Variants in ARMC2 observed in about 807,000 individuals in gnomAD.
ARMC2 encodes armadillo repeat-containing protein 2.
Under a neutral mutation model 90.3 loss-of-function variants are expected in ARMC2, and 67 were observed. The ratio of observed to expected loss-of-function variants is 0.74; its 90% CI spans 0.61 to 0.91. The LOEUF (loss-of-function observed/expected upper bound fraction) is 0.91. Ranked by LOEUF, ARMC2 falls within the 40% of genes least tolerant of loss-of-function variation. ARMC2 has a pLI of 0.00. For synonymous variants in ARMC2, 393 were observed against 393.0 expected, an observed-to-expected ratio of 1.00 and a Z score of 0.00; for missense variants, 920 against 1,030.9, an observed-to-expected ratio of 0.89 and a Z score of 1.47.
the ARMC2 span, among the ~76,000 whole-genome samples, chr6:109,042,776 A>T: frequency 3.3e-5 from 5 of 152,070 alleles, no homozygotes; most frequent in Admixed American, 3.3e-4. Context: ...TAACTCCACC[A>T]AACATTTAAA....
At chr6:108,979,492 G>T in the ARMC2 span, among the ~76,000 whole-genome samples, 5 of 152,100 alleles carry the variant, frequency 3.3e-5, no homozygotes, top group Non-Finnish European at 4.4e-5. Context: ...TTTTCGAGGA[G>T]TATCTTTGTG....
In ARMC2 at chr6:108,922,257, AG is replaced by A. The variant is rs538312241; in HGVS notation, c.1351-5828del. Among the ~76,000 whole-genome samples the A allele has an allele frequency of 2.3e-4, 34 of 151,036 alleles. No individual in the cohort carries two copies. The East Asian group carries it at 6.6e-3, about 29-fold the overall frequency. ...CTCAAGTCCAGTGATCCAAGTCCGG[AG>A]GGCCCCCCCACCCTTTTTTTTTTCT... On this transcript the variant is annotated intron_variant, in intron 10 of 17. Coordinates refer to ENST00000392644, the MANE Select transcript of ARMC2 (RefSeq NM_032131.6).
the ARMC2 span, among the ~76,000 whole-genome samples, chr6:109,006,705 A>C: frequency 1.3e-5 from 2 of 152,310 alleles, no homozygotes; most frequent in South Asian, 4.1e-4. Context: ...TGGTTTATAA[A>C]AAGTTTCCAT....
At chr6:109,006,379 A>C in the ARMC2 span, among the ~76,000 whole-genome samples, 1 of 152,144 alleles carries the variant, frequency 6.6e-6, no homozygotes, top group East Asian at 1.9e-4. Flanking sequence ...TGCATGTGCC[A>C]TGTTGGTTTG....
chr6:108,996,637 A>T, the ARMC2 span, among the ~76,000 whole-genome samples: 13 of 149,018 alleles, frequency 8.7e-5, no homozygotes, highest in Middle Eastern at 3.5e-3. Flanking sequence ...AGTTGGGATT[A>T]AAAAAAAAAT....
At chr6:108,874,209 A>G (rs573007857) in intron 4 of ARMC2, among the ~76,000 whole-genome samples, 1 of 152,346 alleles carries the variant, frequency 6.6e-6, no homozygotes, top group African/African-American at 2.4e-5. Context: ...TCTTCGTTGT[A>G]GTAATACCTG....
chr6:108,932,386 T>C (rs1207963804), intron 11 of ARMC2, among the ~76,000 whole-genome samples: 1 of 151,830 alleles, frequency 6.6e-6, no homozygotes, highest in East Asian at 1.9e-4. Flanking sequence ...ACATTTAGTC[T>C]TTAATCCATC....
intron 1 of ARMC2, among the ~76,000 whole-genome samples, chr6:108,853,546 A>G (rs1033712186): frequency 1.2e-4 from 18 of 152,126 alleles, no homozygotes; most frequent in African/African-American, 4.3e-4. Flanking sequence ...AATCTGTCCT[A>G]TTTTAAAGTT....
the ARMC2 span, among the ~76,000 whole-genome samples, chr6:109,039,214 G>A: frequency 6.6e-6 from 1 of 152,112 alleles, no homozygotes; most frequent in African/African-American, 2.4e-5. Flanking sequence ...GGGCAAGGAA[G>A]GGATACTATA....
intron 6 of ARMC2, among the ~76,000 whole-genome samples, chr6:108,896,040 T>C (rs1771582448): frequency 6.6e-6 from 1 of 152,252 alleles, no homozygotes; most frequent in African/African-American, 2.4e-5. Flanking sequence ...AAAATTCTTA[T>C]CTTCAAAATT....
At chr6:108,997,487 A>G in the ARMC2 span, among the ~76,000 whole-genome samples, 1 of 152,174 alleles carries the variant, frequency 6.6e-6, no homozygotes, top group Non-Finnish European at 1.5e-5. Flanking sequence ...CCTTGGGAAA[A>G]TTATTCTTTC....
At chr6:109,010,282 C>T in the ARMC2 span, among the ~76,000 whole-genome samples, 2 of 152,184 alleles carry the variant, frequency 1.3e-5, no homozygotes, top group African/African-American at 4.8e-5. Context: ...AGGAGAAAAA[C>T]AACTGACATT....
chr6:108,895,366 C>G (rs1771492361), intron 6 of ARMC2, among the ~76,000 whole-genome samples: 1 of 151,418 alleles, frequency 6.6e-6, no homozygotes, highest in Non-Finnish European at 1.5e-5. Flanking sequence ...CACCTGTAAT[C>G]CCAACTACTT....
chr6:108,966,491 C>T (rs190846659), intron 17 of ARMC2, among the ~76,000 whole-genome samples: 61 of 152,192 alleles, frequency 4.0e-4, no homozygotes, highest in Non-Finnish European at 5.6e-4. Context: ...GTTGTAACAC[C>T]GTGCTACTAA....
chr6:108,959,182 G>A (rs1777806482), intron 13 of ARMC2, among the ~76,000 whole-genome samples: 1 of 152,154 alleles, frequency 6.6e-6, no homozygotes, highest in South Asian at 2.1e-4. Context: ...TCTAGCGGGA[G>A]GGGCCACTGG....
intron 3 of ARMC2, among the ~76,000 whole-genome samples, chr6:108,867,342 T>A (rs1234349954): frequency 6.6e-6 from 1 of 152,182 alleles, no homozygotes; most frequent in Non-Finnish European, 1.5e-5. Context: ...GCAGGTGTTT[T>A]TTTTAAAGTT....
intron 10 of ARMC2, among the ~76,000 whole-genome samples, chr6:108,913,659 CA>C (rs1482762928): frequency 5.9e-5 from 9 of 152,100 alleles, no homozygotes; most frequent in African/African-American, 2.2e-4. Context: ...CCTGAGATAA[CA>C]CCTCCAGCAT....
At chr6:109,047,139 C>T in the ARMC2 span, among the ~76,000 whole-genome samples, 5 of 33,052 alleles carry the variant, frequency 1.5e-4, no homozygotes, top group Admixed American at 4.9e-4. Context: ...CCCCTCTGCC[C>T]GGCCAGCCGC....
At chr6:108,989,550 G>T in the ARMC2 span, among the ~76,000 whole-genome samples, 7 of 104,224 alleles carry the variant, frequency 6.7e-5, no homozygotes, top group Non-Finnish European at 1.4e-4. Flanking sequence ...GATATCTCTA[G>T]ATCTAGATCT....
Sources: gnomAD v4.1 joint callset for allele counts (sites outside exome capture counted in the v4.1 genomes callset) on GRCh38, gnomAD v4.1.1 for gene constraint, MANE v1.5 for transcripts, NCBI Gene and HGNC (gene_info 2026-07-23, HGNC 2026-07-21) for gene names.